UTP14A: variants seen among roughly 807,000 people sequenced by gnomAD.
UTP14A encodes U3 small nucleolar RNA-associated protein 14 homolog A.
Under a neutral mutation model 57.2 loss-of-function variants are expected in UTP14A, and 5 were observed. The observed-to-expected ratio is 0.09, with a 90% confidence interval of 0.05 to 0.18. The LOEUF is 0.18. Among genes scored for constraint, UTP14A ranks in the 10% least tolerant of loss-of-function variants. The pLI is 1.00. For missense variants in UTP14A, 430 were observed against 562.1 expected, an observed-to-expected ratio of 0.76 and a Z score of 2.38; for synonymous variants, 169 against 210.9, an observed-to-expected ratio of 0.80 and a Z score of 1.72.
chrX:129,929,514 C>T lies in UTP14A; in HGVS notation c.2222C>T (p.Ser741Phe). The change falls in exon 15 of 15, where the codon TCT becomes TTT. Residue 741 changes from serine (S) to phenylalanine (F), a missense_variant. By Grantham distance (155) the Ser-to-Phe change is radical. Around this residue, in one of 4 missense-constraint regions of UTP14A, gnomAD observed 82 missense variants for 151.4 expected, o/e 0.54. Transcript: ENST00000394422. ...PIKAEDVGYR[S>F]SSRSDLSVIQ... ...AAAGCAGAAGACGTGGGCTACCGGT[C>T]TTCCTCAAGGTCGGACCTGTCTGTC... 2.5e-6 allele frequency: 3 copies of T among 1,211,805 alleles called. No individual in the cohort carries two copies. The highest frequency in any genetic ancestry group is 3.3e-6 in the Non-Finnish European group (3 of 895,550).
chrX:129,918,654 G>A (rs1929787713), intron 6 of UTP14A, among the ~76,000 whole-genome samples: 1 of 110,921 alleles, frequency 9.0e-6, no homozygotes, highest in South Asian at 3.7e-4. Context: ...GAGGCGGGCG[G>A]ATCACGAGGT....
At chrX:129,927,342 T>G (rs188615592) in intron 14 of UTP14A, among the ~76,000 whole-genome samples, 1 of 111,632 alleles carries the variant, frequency 9.0e-6, no homozygotes, top group Admixed American at 9.5e-5. Flanking sequence ...GGTGTTCTCT[T>G]TTTCTGTTGC....
chrX:129,913,292 C>G (rs1929548768), intron 6 of UTP14A: 1 of 322,626 alleles, frequency 3.1e-6, no homozygotes, highest in African/African-American at 2.7e-5. Flanking sequence ...GCTGAAGTCA[C>G]TACCATTCTC....
At chrX:129,917,385 C>T (rs925208687) in intron 6 of UTP14A, among the ~76,000 whole-genome samples, 1 of 111,519 alleles carries the variant, frequency 9.0e-6, no homozygotes, top group African/African-American at 3.3e-5. Flanking sequence ...TAATACTGAC[C>T]ACGATGTATA....
intron 6 of UTP14A, among the ~76,000 whole-genome samples, chrX:129,918,858 C>T (rs1173437057): frequency 1.9e-5 from 2 of 107,925 alleles, no homozygotes; most frequent in African/African-American, 3.4e-5. Flanking sequence ...GCCTGGGCGA[C>T]AGAGCAAGAC....
intron 4 of UTP14A, among the ~76,000 whole-genome samples, chrX:129,909,511 A>T (rs1343288114): frequency 9.0e-6 from 1 of 110,985 alleles, no homozygotes; most frequent in African/African-American, 3.3e-5. Flanking sequence ...GCGCGGCCTC[A>T]AGACATTTTT....
chrX:129,918,396 C>CAAAAAAAA (rs766869516), intron 6 of UTP14A, among the ~76,000 whole-genome samples: 1 of 49,478 alleles, frequency 2.0e-5, no homozygotes, highest in Non-Finnish European at 3.9e-5. Context: ...TCTCAGAAAA[C>CAAAAAAAA]AAAAAAAAAA....
intron 6 of UTP14A, among the ~76,000 whole-genome samples, chrX:129,914,689 T>G (rs745895101): frequency 8.9e-6 from 1 of 112,555 alleles, no homozygotes; most frequent in South Asian, 3.6e-4. Flanking sequence ...GGATAATGCA[T>G]GAGAAGGCAT....
Position 129,921,520 on chromosome X carries a change from G to A in UTP14A, c.1281G>A (p.Arg427=), listed in dbSNP as rs1929912432. The change falls in exon 11 of 15, where the codon AGG becomes AGA. Residue 427 remains arginine (R), a synonymous_variant. Transcript: ENST00000394422. ...TTTTGTTGAGAGAATTTGAGGAAAG[G>A]CGATCCCTTAGAAAAAGATCTGAGC... ...EEILLREFEE[R]RSLRKRSELS... The A allele has an allele frequency of 1.7e-6, 2 of 1,209,317 alleles. No homozygotes were observed. The highest frequency in any genetic ancestry group is 3.0e-5 in the East Asian group (1 of 33,759).
At chrX:129,926,964 A>G (rs193030269) in intron 14 of UTP14A, among the ~76,000 whole-genome samples, 3 of 112,395 alleles carry the variant, frequency 2.7e-5, no homozygotes, top group African/African-American at 3.2e-5. Flanking sequence ...ACACATTTCA[A>G]TAACATTCTT....
intron 11 of UTP14A, chrX:129,922,240 T>G (rs1254751868): frequency 9.0e-6 from 1 of 111,623 alleles, no homozygotes; most frequent in Non-Finnish European, 1.9e-5. Flanking sequence ...CCTGTGAGAT[T>G]GGTCAGAGAG....
intron 14 of UTP14A, among the ~76,000 whole-genome samples, chrX:129,926,762 G>A (rs947035150): frequency 2.7e-5 from 3 of 111,633 alleles, no homozygotes; most frequent in African/African-American, 9.8e-5. Flanking sequence ...GAAGTTAGAG[G>A]ACATACAGAA....
chrX:129,917,028 C>T (rs943345347), intron 6 of UTP14A, among the ~76,000 whole-genome samples: 7 of 111,700 alleles, frequency 6.3e-5, no homozygotes, highest in Admixed American at 2.9e-4. Context: ...GGGTATTTAA[C>T]CCATTATGTT....
chrX:129,907,552 G>A (rs1602995149), intron 2 of UTP14A, 110 bp downstream of exon 2: 1 of 656,964 alleles, frequency 1.5e-6, no homozygotes, highest in East Asian at 3.5e-5. Context: ...CAAATAAATT[G>A]CAAATGGTTA....
chrX:129,929,202 C>T lies in UTP14A; in HGVS notation c.2044-134C>T, dbSNP rs886766352. On this transcript the variant is annotated intron_variant, in intron 14 of 14. Coordinates refer to ENST00000394422, the MANE Select transcript of UTP14A (RefSeq NM_006649.4). The stretch of plus-strand genomic sequence containing the variant: ...TGGGAGCAATGGGACGCCTTGACCT[C>T]TCAGTCTCTTCACTTGCAGTCATCA... 67 of 824,696 alleles carry T rather than the reference C, an allele frequency of 8.1e-5. 1 individual carries two copies. In the Middle Eastern group the frequency reaches 2.9e-3, roughly 36 times the overall value. 68.0% of individuals were successfully genotyped at this position (824,696 alleles called of 1,213,427 possible). A position where few individuals can be genotyped will look rare whatever the true frequency, so the allele number is the denominator to read the frequency against.
At chrX:129,927,412 G>C (rs1045130203) in intron 14 of UTP14A, among the ~76,000 whole-genome samples, 3 of 111,844 alleles carry the variant, frequency 2.7e-5, no homozygotes, top group African/African-American at 9.8e-5. Flanking sequence ...TTAACTTAAA[G>C]AGAATCTGTT....
At position 129,919,234 on chromosome X, in the gene UTP14A, G is replaced by A. The variant is rs1441853157; in HGVS notation, c.597G>A (p.Val199=). Residue 199 remains valine (V), a synonymous_variant, in exon 7 of 15, where the codon GTG becomes GTA. Coordinates refer to ENST00000394422, the MANE Select transcript of UTP14A (RefSeq NM_006649.4). ...FNLLHKNKQP[V]TDPLLTPVEK... is the part of the protein sequence containing the mutation. ...TCCTCCATAAGAACAAGCAGCCAGTGACAGACCCTTTACTGACCCCTGTGG... is the reference window on the plus strand; with the variant it reads ...TCCTCCATAAGAACAAGCAGCCAGTAACAGACCCTTTACTGACCCCTGTGG... 1 of 1,209,947 alleles carries A rather than the reference G, an allele frequency of 8.3e-7. No homozygotes were observed. The highest frequency in any genetic ancestry group is 1.1e-6 in the Non-Finnish European group (1 of 895,285).
At chrX:129,928,331 G>A (rs1439404078) in intron 14 of UTP14A, among the ~76,000 whole-genome samples, 2 of 92,174 alleles carry the variant, frequency 2.2e-5, no homozygotes, top group Non-Finnish European at 4.1e-5. Flanking sequence ...CTTGCAGTGA[G>A]CCGAGATCAC....
chrX:129,923,852 C>G (rs192521659), intron 11 of UTP14A, among the ~76,000 whole-genome samples: 70 of 111,404 alleles, frequency 6.3e-4, no homozygotes, highest in African/African-American at 2.2e-3. Flanking sequence ...TTGGGGCAAT[C>G]TTCCCAAGCA....
Sources: gnomAD v4.1 joint callset for allele counts (sites outside exome capture counted in the v4.1 genomes callset) on GRCh38, gnomAD v4.1.1 for gene constraint, gnomAD v4.1.1 regional missense constraint, MANE v1.5 for transcripts, NCBI Gene and HGNC (gene_info 2026-07-23, HGNC 2026-07-21) for gene names.